The following DBX1 variants were observed in gnomAD, a reference collection of about 807,000 sequenced individuals.
The protein encoded by DBX1 is homeobox protein DBX1.
In DBX1, 10 loss-of-function variants were observed where a neutral mutation model predicts 20.8. The observed-to-expected ratio is 0.48, with a 90% CI of 0.30 to 0.82. DBX1 has a LOEUF of 0.82. Ranked by LOEUF, DBX1 falls within the 40% of genes least tolerant of loss-of-function variation. The pLI, the probability that DBX1 is intolerant of heterozygous loss-of-function variation, is 0.07. For missense variants in DBX1, 505 were observed against 468.8 expected, an observed-to-expected ratio of 1.08 and a Z score of -0.71; for synonymous variants, 241 against 213.9, an observed-to-expected ratio of 1.13 and a Z score of -1.11.
chr11:20,160,076 G>T lies in DBX1; in HGVS notation c.249C>A (p.Gly83=). ...CCCGTCGGCTGCCGGGACCCGGGGA[G>T]CCCAGGTCCGAGGCCCCCGTGTCGG... ...ALTDTGASDL[G]SPGPGSRRGG... The change falls in exon 1 of 4, where the codon GGC becomes GGA. Residue 83 remains glycine, a synonymous_variant. Coordinates refer to ENST00000524983, the MANE Select transcript of DBX1 (RefSeq NM_001029865.4). 2.5e-6 allele frequency: 4 copies of T among 1,568,744 alleles called. No individual in the cohort carries two copies. The highest frequency in any genetic ancestry group is 1.2e-5 in the South Asian group (1 of 86,028).
Position 20,159,179 on chromosome 11 carries a change from G to A in DBX1, c.469+12C>T. ...CGCCCTGCCTCGCGCAAAGAAGGGGGACGAGACCTACCTGGGAAATAAGAA... is the reference window on the plus strand; with the variant it reads ...CGCCCTGCCTCGCGCAAAGAAGGGGAACGAGACCTACCTGGGAAATAAGAA... On this transcript the variant is annotated intron_variant, in intron 2 of 3. Transcript: ENST00000524983. 6.3e-7 allele frequency: 1 copy of A among 1,596,258 alleles called. No homozygotes were observed. The highest frequency in any genetic ancestry group is 8.6e-7 in the Non-Finnish European group (1 of 1,164,358).
In DBX1 at chr11:20,157,102, G is replaced by C; in HGVS notation, c.607C>G (p.Gln203Glu). ...CGGTCGGGCTTGCTGATGTACTTCT[G>C]CTTCTGGAACATCTTCTCCAGCGCC... ...RKALEKMFQKQKYISKPDRKK... is the reference protein window; with the variant it reads ...RKALEKMFQKEKYISKPDRKK... Residue 203 changes from glutamine to glutamate, a missense_variant, in exon 3 of 4, where the codon CAG (glutamine) becomes GAG (glutamate). Transcript: ENST00000524983. The C allele has an allele frequency of 1.9e-6, 3 of 1,613,990 alleles. No homozygotes were observed. Among genetic ancestry groups the C allele is most frequent in the Non-Finnish European group, 2.5e-6 (3 of 1,180,010 alleles).
Position 20,156,676 on chromosome 11 carries a change from C to T in DBX1, c.673-103G>A. 1 of 1,537,232 alleles carries T rather than the reference C, an allele frequency of 6.5e-7. No homozygotes were observed. Among genetic ancestry groups the T allele is most frequent in the Non-Finnish European group, 9.0e-7 (1 of 1,113,510 alleles). The stretch of plus-strand genomic sequence containing the variant: ...GAGTGGAGTCGGGTGCAGGCTCTGT[C>T]CTTCGGGCTGTGTCCTCTCCCCACC... On this transcript the variant is annotated intron_variant, in intron 3 of 3. Transcript: ENST00000524983. This position sits in a 1 kb window ranked among gnomAD's most constrained non-coding sequence, Gnocchi z 4.8.
intron 2 of DBX1, among the ~76,000 whole-genome samples, chr11:20,157,890 AAAAAC>A (rs935607034): frequency 8.1e-4 from 123 of 152,316 alleles, no homozygotes; most frequent in African/African-American, 2.9e-3. Context: ...AGCGAAAGAA[AAAAAC>A]AAAACAAAAA....
Position 20,156,472 on chromosome 11 carries a change from C to T in DBX1, c.774G>A (p.Lys258=). ...GGCREQTLPT[K]LNPHPDLSDV... ...CGCTGAGGTCCGGGTGCGGATTGAGCTTGGTGGGCAGGGTCTGCTCGCGAC... is the reference window on the plus strand; with the variant it reads ...CGCTGAGGTCCGGGTGCGGATTGAGTTTGGTGGGCAGGGTCTGCTCGCGAC... Residue 258 remains lysine (K), a synonymous_variant, in exon 4 of 4, where the codon AAG becomes AAA. Transcript: ENST00000524983. The surrounding 1 kb of genome is among the most constrained non-coding windows in gnomAD (Gnocchi z 4.8). 3 of 1,613,536 alleles carry T rather than the reference C, an allele frequency of 1.9e-6. No homozygotes were observed. The highest frequency in any genetic ancestry group is 2.5e-6 in the Non-Finnish European group (3 of 1,179,840).
intron 2 of DBX1, among the ~76,000 whole-genome samples, 179 bp from the exon 3 acceptor site, chr11:20,157,418 A>G (rs569549556): frequency 1.3e-5 from 2 of 152,290 alleles, no homozygotes; most frequent in African/African-American, 4.8e-5. Flanking sequence ...CGCCCAAACA[A>G]CTTTCCCTTT....
In DBX1 at chr11:20,156,609, C is replaced by G; in HGVS notation, c.673-36G>C. ...CCGGCCGGCGAGAAGAAGGGAGAAG[C>G]AGAGGTCAGATCAGGGGCTCCGGGG... is the stretch of plus-strand genomic sequence containing the variant. On this transcript the variant is annotated intron_variant, in intron 3 of 3. Coordinates refer to ENST00000524983, the MANE Select transcript of DBX1 (RefSeq NM_001029865.4). The surrounding 1 kb of genome is among the most constrained non-coding windows in gnomAD (Gnocchi z 4.8). The G allele has an allele frequency of 6.2e-7, 1 of 1,613,754 alleles. No individual in the cohort carries two copies. The highest frequency in any genetic ancestry group is 8.5e-7 in the Non-Finnish European group (1 of 1,179,996).
Position 20,156,923 on chromosome 11 carries a change from T to G in DBX1, c.672+114A>C. ...CTCACTCCCTCTCTAGGCCTCGGTT[T>G]TCCCATCTGTACAGTGGGACCTAAG... On this transcript the variant is annotated intron_variant, in intron 3 of 3. Transcript: ENST00000524983. This position sits in a 1 kb window ranked among gnomAD's most constrained non-coding sequence, Gnocchi z 4.8. The G allele has an allele frequency of 8.9e-7, 1 of 1,119,110 alleles. No homozygotes were observed. The highest frequency in any genetic ancestry group is 1.3e-6 in the Non-Finnish European group (1 of 768,930). The allele number at this position is 1,119,110 out of a possible 1,614,324, so 69.3% of individuals were successfully genotyped here.
At chr11:20,158,974 A>C (rs1376216918) in intron 2 of DBX1, among the ~76,000 whole-genome samples, 1 of 152,168 alleles carries the variant, frequency 6.6e-6, no homozygotes, top group East Asian at 1.9e-4. Context: ...TAATTTGTAG[A>C]GCAGGGAATT....
chr11:20,156,448 G>A lies in DBX1; in HGVS notation c.798C>T (p.Ser266=). The A allele has an allele frequency of 2.5e-6, 4 of 1,611,200 alleles. No individual in the cohort carries two copies. The highest frequency in any genetic ancestry group is 3.4e-6 in the Non-Finnish European group (4 of 1,178,744). ...TCCCAGGGCCCTTCTGGCCCACGTC[G>A]CTGAGGTCCGGGTGCGGATTGAGCT... ...PTKLNPHPDL[S]DVGQKGPGNE... Residue 266 remains serine, a synonymous_variant, in exon 4 of 4, where the codon AGC becomes AGT. Transcript: ENST00000524983. This position sits in a 1 kb window ranked among gnomAD's most constrained non-coding sequence, Gnocchi z 4.8.
Position 20,157,250 on chromosome 11 carries a change from G to C in DBX1, c.470-11C>G, listed in dbSNP as rs1300252513. ...CCACGCTGGAGGAAGCTGCAGGGTGGGGGGAGGTGGCGAGTGAGTGGGCGT... is the reference window on the plus strand; with the variant it reads ...CCACGCTGGAGGAAGCTGCAGGGTGCGGGGAGGTGGCGAGTGAGTGGGCGT... On this transcript the variant is annotated splice_polypyrimidine_tract_variant and intron_variant, in intron 2 of 3. Coordinates refer to ENST00000524983, the MANE Select transcript of DBX1 (RefSeq NM_001029865.4). 3.2e-6 allele frequency: 5 copies of C among 1,550,824 alleles called. No individual in the cohort carries two copies. Among genetic ancestry groups the C allele is most frequent in the Admixed American group, 1.9e-5 (1 of 52,214 alleles).
In DBX1 at chr11:20,159,229, C is replaced by A; in HGVS notation, c.431G>T (p.Gly144Val). The change falls in exon 2 of 4, where the codon GGG becomes GTG. Residue 144 changes from glycine to valine, a missense_variant. Coordinates refer to ENST00000524983, the MANE Select transcript of DBX1 (RefSeq NM_001029865.4). ...AGATCTGATGAAAGGCTGAAAAGAC[C>A]CTTCGAAGTAGGGAAAGGCGAAGGT... ...PKTFAFPYFE[G>V]SFQPFIRSSY... 2 of 1,613,760 alleles carry A rather than the reference C, an allele frequency of 1.2e-6. No homozygotes were observed. Among genetic ancestry groups the A allele is most frequent in the Non-Finnish European group, 1.7e-6 (2 of 1,179,914 alleles).
chr11:20,160,004 A>C lies in DBX1; in HGVS notation c.321T>G (p.Phe107Leu). 1 of 1,613,408 alleles carries C rather than the reference A, an allele frequency of 6.2e-7. No individual in the cohort carries two copies. The highest frequency in any genetic ancestry group is 1.1e-5 in the South Asian group (1 of 90,864). ...GGATGGCGTTCACTCCAAACTTCAG[A>C]AACGTCGTCTCGCTGGCAGGGGAGA... ...TAFSPASETT[F>L]LKFGVNAILS... Residue 107 changes from phenylalanine to leucine, a missense_variant, in exon 1 of 4, where the codon TTT (phenylalanine) becomes TTG (leucine). Coordinates refer to ENST00000524983, the MANE Select transcript of DBX1 (RefSeq NM_001029865.4).
Position 20,157,084 on chromosome 11 carries a change from G to T in DBX1, c.625C>A (p.Pro209Thr), listed in dbSNP as rs779499132. The change falls in exon 3 of 4, where the codon CCC (proline) becomes ACC (threonine). Residue 209 changes from proline to threonine, a missense_variant. By Grantham distance (38) the Pro-to-Thr change is conservative. Coordinates refer to ENST00000524983, the MANE Select transcript of DBX1 (RefSeq NM_001029865.4). Reference sequence around the variant, plus strand: ...TTGGCCGCCAGCTTCTTGCGGTCGGGCTTGCTGATGTACTTCTGCTTCTGG... The same window carrying T: ...TTGGCCGCCAGCTTCTTGCGGTCGGTCTTGCTGATGTACTTCTGCTTCTGG... ...MFQKQKYISK[P>T]DRKKLAAKLG... The T allele has an allele frequency of 1.9e-6, 3 of 1,614,010 alleles. No individual in the cohort carries two copies.
At position 20,160,181 on chromosome 11, in the gene DBX1, G is replaced by A; in HGVS notation, c.144C>T (p.Ser48=). ...SFLVEDLIRI[S]RPPAYLPRSV... is the part of the protein sequence containing the mutation. The stretch of plus-strand genomic sequence containing the variant: ...TGCGGGGCAGGTAGGCGGGGGGTCG[G>A]CTGATGCGGATCAGATCCTCCACCA... Residue 48 remains serine, a synonymous_variant, in exon 1 of 4, where the codon AGC becomes AGT. Coordinates refer to ENST00000524983, the MANE Select transcript of DBX1 (RefSeq NM_001029865.4). 6.5e-7 allele frequency: 1 copy of A among 1,547,704 alleles called. No homozygotes were observed. Among genetic ancestry groups the A allele is most frequent in the Non-Finnish European group, 8.7e-7 (1 of 1,146,384 alleles).
Position 20,156,586 on chromosome 11 carries a change from G to C in DBX1, c.673-13C>G, listed in dbSNP as rs375791405. ...ACCAGATTTTCACCTGGAATGTCCCGGCCGGCGAGAAGAAGGGAGAAGCAG... is the reference window on the plus strand; with the variant it reads ...ACCAGATTTTCACCTGGAATGTCCCCGCCGGCGAGAAGAAGGGAGAAGCAG... On this transcript the variant is annotated splice_polypyrimidine_tract_variant and intron_variant, in intron 3 of 3. Transcript: ENST00000524983. The surrounding 1 kb of genome is among the most constrained non-coding windows in gnomAD (Gnocchi z 4.8). The C allele has an allele frequency of 8.1e-5, 131 of 1,613,836 alleles. No individual in the cohort carries two copies. Among genetic ancestry groups the C allele is most frequent in the Non-Finnish European group, 1.1e-4 (125 of 1,180,010 alleles).
At chr11:20,158,362 T>G (rs957797178) in intron 2 of DBX1, among the ~76,000 whole-genome samples, 1 of 152,128 alleles carries the variant, frequency 6.6e-6, no homozygotes, top group African/African-American at 2.4e-5. Context: ...CATACCCAGT[T>G]TTTCTTCTCT....
Position 20,159,997 on chromosome 11 carries a change from A to T in DBX1, c.328T>A (p.Phe110Ile). 5 of 1,613,542 alleles carry T rather than the reference A, an allele frequency of 3.1e-6. No individual in the cohort carries two copies. The highest frequency in any genetic ancestry group is 4.2e-6 in the Non-Finnish European group (5 of 1,179,870). Reference sequence around the variant, plus strand: ...GAGGAGAGGATGGCGTTCACTCCAAACTTCAGAAACGTCGTCTCGCTGGCA... The same window carrying T: ...GAGGAGAGGATGGCGTTCACTCCAATCTTCAGAAACGTCGTCTCGCTGGCA... ...SPASETTFLK[F>I]GVNAILSSGP... Residue 110 changes from phenylalanine to isoleucine, a missense_variant, in exon 1 of 4, where the codon TTT becomes ATT. Coordinates refer to ENST00000524983, the MANE Select transcript of DBX1 (RefSeq NM_001029865.4).
rs867473062 is a variant in DBX1, at chr11:20,156,827, A to G, written c.672+210T>C. 1 of 750,658 alleles carries G rather than the reference A, an allele frequency of 1.3e-6. No individual in the cohort carries two copies. Among genetic ancestry groups the G allele is most frequent in the Non-Finnish European group, 2.2e-6 (1 of 460,736 alleles). The allele number at this position is 750,658 out of a possible 1,614,324, so 46.5% of individuals were successfully genotyped here. A position where few individuals can be genotyped will look rare whatever the true frequency, so the allele number is the denominator to read the frequency against. The stretch of plus-strand genomic sequence containing the variant: ...GGTTGGGGGCCGGTGAGGCCGGGAG[A>G]GAAGGCGGGGAGTCGGGGTGGGGAG... On this transcript the variant is annotated intron_variant, in intron 3 of 3. Transcript: ENST00000524983. This position sits in a 1 kb window ranked among gnomAD's most constrained non-coding sequence, Gnocchi z 4.8.
Sources: allele counts gnomAD v4.1 joint callset (sites outside exome capture counted in the v4.1 genomes callset), GRCh38; gene constraint gnomAD v4.1.1; non-coding constraint Gnocchi (gnomAD v3.1); transcripts MANE v1.5; gene names NCBI Gene and HGNC (gene_info 2026-07-23, HGNC 2026-07-21).